BCO1: variants seen among roughly 807,000 people sequenced by gnomAD.
The protein encoded by BCO1 is beta-carotene oxygenase 1.
In BCO1, 54 loss-of-function variants were observed where a neutral mutation model predicts 56.3. That is an observed-to-expected ratio of 0.96 (90% CI 0.77 to 1.20). The LOEUF is 1.20. Among genes scored for constraint, BCO1 ranks in the 50% most tolerant of loss-of-function variants. The pLI is 0.00. For synonymous variants in BCO1, 318 were observed against 266.1 expected, an observed-to-expected ratio of 1.20 and a Z score of -1.90; for missense variants, 801 against 690.9, an observed-to-expected ratio of 1.16 and a Z score of -1.79.
intron 3 of BCO1, 125 bp downstream of exon 3, chr16:81,259,930 T>G: frequency 8.2e-7 from 1 of 1,213,462 alleles, no homozygotes; most frequent in Non-Finnish European, 1.2e-6. Flanking sequence ...ATGACTGCCC[T>G]TTAACCAGAG....
intron 7 of BCO1, among the ~76,000 whole-genome samples, chr16:81,271,215 A>G (rs1163348139): frequency 2.6e-5 from 4 of 151,430 alleles, no homozygotes; most frequent in Admixed American, 1.3e-4. Flanking sequence ...CCTGGATTCA[A>G]GCGGTTCTCC....
At chr16:81,241,764 T>G (rs752513738) in intron 1 of BCO1, among the ~76,000 whole-genome samples, 2 of 152,202 alleles carry the variant, frequency 1.3e-5, no homozygotes, top group Non-Finnish European at 2.9e-5. Context: ...AGGCCTGGGT[T>G]GAGCCTAATC....
chr16:81,287,307 G>T lies in BCO1; in HGVS notation c.1315G>T (p.Asp439Tyr). Reference sequence around the variant, plus strand: ...GTTGGATGTACAGATAATAAAATATGACATTCTCACAAAGTCATCCTTAAA... The same window carrying T: ...GTTGGATGTACAGATAATAAAATATTACATTCTCACAAAGTCATCCTTAAA... ...SPIPTKIIKY[D>Y]ILTKSSLKWR... Residue 439 changes from aspartate (D) to tyrosine (Y), a missense_variant, in exon 10 of 11, where the codon GAC (aspartate) becomes TAC (tyrosine). Asp to Tyr is a radical substitution (Grantham distance 160). Coordinates refer to ENST00000258168, the MANE Select transcript of BCO1 (RefSeq NM_017429.3). 6.2e-7 allele frequency: 1 copy of T among 1,612,892 alleles called. No individual in the cohort carries two copies. Among genetic ancestry groups the T allele is most frequent in the South Asian group, 1.1e-5 (1 of 91,042 alleles).
Position 81,239,020 on chromosome 16 carries a change from A to T in BCO1, c.64+48A>T, listed in dbSNP as rs752243046. On this transcript the variant is annotated intron_variant, in intron 1 of 10. Transcript: ENST00000258168. ...GGCTCTTTCTTCTATTTATTTTATTATTTTTTTTTTTTTTGAGGCGGAGTC... is the reference window on the plus strand; with the variant it reads ...GGCTCTTTCTTCTATTTATTTTATTTTTTTTTTTTTTTTTGAGGCGGAGTC... 606 of 1,318,238 alleles carry T rather than the reference A, an allele frequency of 4.6e-4. 2 individuals carry two copies. The highest frequency in any genetic ancestry group is 2.3e-3 in the African/African-American group (149 of 65,322). 81.7% of individuals were successfully genotyped at this position (1,318,238 alleles called of 1,614,324 possible). A position where few individuals can be genotyped will look rare whatever the true frequency, so the allele number is the denominator to read the frequency against.
chr16:81,244,702 T>C (rs1905292783), intron 1 of BCO1, among the ~76,000 whole-genome samples: 1 of 150,230 alleles, frequency 6.7e-6, no homozygotes, highest in Non-Finnish European at 1.5e-5. Context: ...TCTACGTCTG[T>C]AGCGTTGCCC....
At position 81,286,999 on chromosome 16, in the gene BCO1, C is replaced by T. The variant is rs1033779847; in HGVS notation, c.1303-296C>T. On this transcript the variant is annotated intron_variant, in intron 9 of 10. Coordinates refer to ENST00000258168, the MANE Select transcript of BCO1 (RefSeq NM_017429.3). ...CTGAGGCAGGAGAATCACTTGAACC[C>T]GGGAGGCCGAGGTTGCAGTGAGCCA... Among the ~76,000 whole-genome samples, 8 of 152,110 alleles carry T rather than the reference C, an allele frequency of 5.3e-5. No homozygotes were observed. In the South Asian group the frequency reaches 8.3e-4, roughly 16 times the overall value.
chr16:81,253,057 C>T (rs544093139), intron 2 of BCO1, among the ~76,000 whole-genome samples: 3 of 152,054 alleles, frequency 2.0e-5, no homozygotes, highest in South Asian at 2.1e-4. Context: ...TGCAGTGAGC[C>T]GAGATCGCAC....
intron 1 of BCO1, among the ~76,000 whole-genome samples, chr16:81,244,114 C>T (rs969568562): frequency 3.9e-5 from 6 of 152,222 alleles, no homozygotes; most frequent in South Asian, 2.1e-4. Context: ...CTGCCCCACC[C>T]GCAGTCAGAA....
At chr16:81,272,077 G>A (rs1907255814) in intron 7 of BCO1, among the ~76,000 whole-genome samples, 1 of 147,194 alleles carries the variant, frequency 6.8e-6, no homozygotes, top group Non-Finnish European at 1.5e-5. Flanking sequence ...GGATTAATAG[G>A]TACATACTAT....
intron 10 of BCO1, among the ~76,000 whole-genome samples, chr16:81,290,024 C>G (rs1244353107): frequency 6.6e-6 from 1 of 152,306 alleles, no homozygotes; most frequent in East Asian, 1.9e-4. Context: ...CCACCACACC[C>G]AGCTAATTTT....
At chr16:81,247,591 A>G (rs1905500808) in intron 2 of BCO1, among the ~76,000 whole-genome samples, 1 of 151,986 alleles carries the variant, frequency 6.6e-6, no homozygotes, top group African/African-American at 2.4e-5. Flanking sequence ...CAATGGTGCA[A>G]TCTCAGCTCA....
rs1908409525 is a variant in BCO1, at chr16:81,290,588, G to C, written c.*11G>C. ...GCTCCTCTGACCTGATGGTGTTGGG[G>C]TTTGGGTAGGGGAGGGGAGCTCGGC... On this transcript the variant is annotated 3_prime_UTR_variant, in exon 11 of 11. Coordinates refer to ENST00000258168, the MANE Select transcript of BCO1 (RefSeq NM_017429.3). 6.2e-7 allele frequency: 1 copy of C among 1,607,066 alleles called. No homozygotes were observed. Among genetic ancestry groups the C allele is most frequent in the East Asian group, 2.2e-5 (1 of 44,856 alleles).
At chr16:81,274,317 G>A (rs1462429015) in intron 7 of BCO1, among the ~76,000 whole-genome samples, 2 of 140,944 alleles carry the variant, frequency 1.4e-5, no homozygotes, top group South Asian at 2.3e-4. Context: ...AGGCTGGAGT[G>A]CAGTGGCGTG....
At chr16:81,282,579 C>T (rs772603285) in intron 8 of BCO1, among the ~76,000 whole-genome samples, 7 of 152,016 alleles carry the variant, frequency 4.6e-5, no homozygotes, top group Non-Finnish European at 7.4e-5. Context: ...TGATGCAACT[C>T]ATTCCCCTGG....
chr16:81,245,322 T>C (rs1567697708), intron 1 of BCO1, among the ~76,000 whole-genome samples, 153 bp from the exon 2 acceptor site: 1 of 152,168 alleles, frequency 6.6e-6, no homozygotes, highest in Non-Finnish European at 1.5e-5. Context: ...GCCCAACACA[T>C]TATACACTTT....
intron 7 of BCO1, among the ~76,000 whole-genome samples, chr16:81,272,113 CT>C (rs35402352): frequency 0.36 from 40,368 of 110,854 alleles, 4,491 homozygotes; most frequent in East Asian, 0.63. Context: ...TCTTTTCTTT[CT>C]TTTTTTTTTT....
chr16:81,242,922 G>T (rs974092873), intron 1 of BCO1, among the ~76,000 whole-genome samples: 9 of 152,036 alleles, frequency 5.9e-5, no homozygotes, highest in Admixed American at 6.6e-5. Flanking sequence ...TAGGTTGTGC[G>T]CTCCTTATAA....
At chr16:81,266,913 C>T (rs1906865009) in intron 5 of BCO1, among the ~76,000 whole-genome samples, 1 of 152,200 alleles carries the variant, frequency 6.6e-6, no homozygotes, top group African/African-American at 2.4e-5. Context: ...AGCATCCCTC[C>T]CACCAGCCAG....
intron 5 of BCO1, 103 bp from the exon 6 acceptor site, chr16:81,267,805 G>GT (rs1906920852): frequency 6.1e-6 from 6 of 989,880 alleles, no homozygotes; most frequent in Non-Finnish European, 9.4e-6. Flanking sequence ...TAATGTAAAG[G>GT]TTTTTTTCAG....
Sources: allele counts gnomAD v4.1 joint callset (sites outside exome capture counted in the v4.1 genomes callset), GRCh38; gene constraint gnomAD v4.1.1; transcripts MANE v1.5; gene names NCBI Gene and HGNC (gene_info 2026-07-23, HGNC 2026-07-21).